The following AGBL4 variants were observed in gnomAD, a reference collection of about 807,000 sequenced individuals.
AGBL4 encodes the protein AGBL carboxypeptidase 4.
AGBL4 carries 58 observed loss-of-function variants against 66.4 expected under a neutral mutation model. The observed-to-expected ratio is 0.87, with a 90% confidence interval of 0.71 to 1.09. The LOEUF is 1.09. AGBL4 is among the 50% of genes least tolerant of loss of function. The pLI is 0.00. For missense variants in AGBL4, 579 were observed against 631.0 expected, an observed-to-expected ratio of 0.92 and a Z score of 0.88; for synonymous variants, 234 against 222.9, an observed-to-expected ratio of 1.05 and a Z score of -0.44.
At chr1:48,855,471 AC>A (rs1647126417) in intron 6 of AGBL4, among the ~76,000 whole-genome samples, 1 of 152,204 alleles carries the variant, frequency 6.6e-6, no homozygotes, top group Non-Finnish European at 1.5e-5. Flanking sequence ...TCCGAGTAAC[AC>A]CAATGTGATG....
In AGBL4 at chr1:48,905,950, A is replaced by T. The variant is rs193021425; in HGVS notation, c.595-38720T>A. Among the ~76,000 whole-genome samples the T allele has an allele frequency of 1.3e-3, 205 of 152,350 alleles. 1 individual carries two copies. The highest frequency in any genetic ancestry group is 4.6e-3 in the African/African-American group (192 of 41,576). ...GAACTAGGAATATAATGATGAATAA[A>T]AGTGACAAAAATTCCTTCCCCCCAT... On this transcript the variant is annotated intron_variant, in intron 5 of 13. Transcript: ENST00000371839.
intron 2 of AGBL4, among the ~76,000 whole-genome samples, chr1:49,795,645 G>C (rs1644711964): frequency 6.6e-6 from 1 of 151,882 alleles, no homozygotes; most frequent in African/African-American, 2.4e-5. Context: ...GTGTGTATGT[G>C]TGTGTGTGCA....
chr1:49,673,549 A>ATGT (rs1188608092), intron 3 of AGBL4, among the ~76,000 whole-genome samples: 2 of 152,228 alleles, frequency 1.3e-5, no homozygotes, highest in East Asian at 3.8e-4. Context: ...ACCTATATCA[A>ATGT]AACATCTCAT....
intron 1 of AGBL4, among the ~76,000 whole-genome samples, chr1:49,956,504 T>A (rs770384894): frequency 6.6e-6 from 1 of 151,858 alleles, no homozygotes; most frequent in Non-Finnish European, 1.5e-5. Context: ...ATCAAAAAAG[T>A]ACATTATAAT....
chr1:49,178,543 A>G (rs534704072), intron 4 of AGBL4, among the ~76,000 whole-genome samples: 1 of 152,300 alleles, frequency 6.6e-6, no homozygotes, highest in Non-Finnish European at 1.5e-5. Context: ...CTATATTCTT[A>G]GGGCTTGACA....
chr1:48,685,742 C>T (rs773324947), intron 6 of AGBL4, among the ~76,000 whole-genome samples: 1 of 152,186 alleles, frequency 6.6e-6, no homozygotes, highest in Non-Finnish European at 1.5e-5. Context: ...CTCCTTTCTT[C>T]ACCTAGGAAG....
At chr1:49,383,263 T>C (rs991445016) in intron 3 of AGBL4, among the ~76,000 whole-genome samples, 1 of 152,180 alleles carries the variant, frequency 6.6e-6, no homozygotes, top group Non-Finnish European at 1.5e-5. Flanking sequence ...GTGATCACAA[T>C]GACATTTTTC....
chr1:49,762,986 T>C (rs1395872814), intron 2 of AGBL4, among the ~76,000 whole-genome samples: 1 of 152,230 alleles, frequency 6.6e-6, no homozygotes, highest in Non-Finnish European at 1.5e-5. Context: ...TTCTCCTGTT[T>C]TCTTCTAGTA....
chr1:48,587,899 C>T (rs1007315167), intron 10 of AGBL4, among the ~76,000 whole-genome samples: 1 of 151,876 alleles, frequency 6.6e-6, no homozygotes, highest in Non-Finnish European at 1.5e-5. Flanking sequence ...GCCTCAGCCT[C>T]CCAAAGTGCT....
chr1:48,689,523 C>T (rs1646595055), intron 6 of AGBL4, among the ~76,000 whole-genome samples: 1 of 144,980 alleles, frequency 6.9e-6, no homozygotes, highest in South Asian at 2.4e-4. Flanking sequence ...TTGTTTCCTT[C>T]CTTTCTTTAT....
intron 4 of AGBL4, among the ~76,000 whole-genome samples, chr1:49,244,522 C>A (rs1651481545): frequency 6.6e-6 from 1 of 151,774 alleles, no homozygotes; most frequent in African/African-American, 2.4e-5. Flanking sequence ...CTGAGCTTCT[C>A]AGCCCAACAT....
In AGBL4 at chr1:49,364,478, GT is replaced by G. The variant is rs911037450; in HGVS notation, c.283-118615del. 4.0e-3 allele frequency among the ~76,000 whole-genome samples: 590 copies of G among 147,582 alleles called. 3 individuals carry two copies. Among genetic ancestry groups the G allele is most frequent in the African/African-American group, 0.011 (425 of 40,456 alleles). ...AATCTTCAAAACCACCATGAGAGTA[GT>G]TTTTTTTTTTCTTTTTTGAGACATT... On this transcript the variant is annotated intron_variant, in intron 3 of 13. Transcript: ENST00000371839.
intron 5 of AGBL4, among the ~76,000 whole-genome samples, chr1:48,985,267 A>G (rs551899554): frequency 2.0e-5 from 3 of 152,208 alleles, no homozygotes; most frequent in Non-Finnish European, 4.4e-5. Flanking sequence ...TCCCTGAGTT[A>G]AAGGGACCAA....
intron 1 of AGBL4, among the ~76,000 whole-genome samples, chr1:49,945,716 T>C (rs1655144629): frequency 6.6e-6 from 1 of 152,104 alleles, no homozygotes; most frequent in Non-Finnish European, 1.5e-5. Flanking sequence ...CATATCTCAA[T>C]ACTAATGTTG....
chr1:48,760,147 G>A (rs1644178463), intron 6 of AGBL4, among the ~76,000 whole-genome samples: 1 of 152,182 alleles, frequency 6.6e-6, no homozygotes, highest in Admixed American at 6.5e-5. Flanking sequence ...ATAGAGAGAA[G>A]AAAGTTCATT....
chr1:48,907,763 A>G (rs1451789961), intron 5 of AGBL4, among the ~76,000 whole-genome samples: 2 of 152,150 alleles, frequency 1.3e-5, no homozygotes, highest in East Asian at 3.9e-4. Flanking sequence ...GGCTCATGAT[A>G]TAGTTGGGGA....
intron 3 of AGBL4, among the ~76,000 whole-genome samples, chr1:49,406,840 C>G (rs553780050): frequency 6.6e-6 from 1 of 151,542 alleles, no homozygotes; most frequent in Admixed American, 6.6e-5. Flanking sequence ...CCGAGGTGGG[C>G]GGATCACGAG....
chr1:49,982,676 C>G (rs1471598915), intron 1 of AGBL4, among the ~76,000 whole-genome samples: 1 of 152,146 alleles, frequency 6.6e-6, no homozygotes, highest in African/African-American at 2.4e-5. Flanking sequence ...CTGGGGCTAC[C>G]TGGTGGCCGC....
intron 3 of AGBL4, among the ~76,000 whole-genome samples, chr1:49,280,402 A>G (rs762042126): frequency 1.3e-5 from 2 of 152,170 alleles, no homozygotes; most frequent in Non-Finnish European, 2.9e-5. Context: ...TGCAGCAAGC[A>G]AGAAGAGCCC....
Sources: gnomAD v4.1 joint callset for allele counts (sites outside exome capture counted in the v4.1 genomes callset) on GRCh38, gnomAD v4.1.1 for gene constraint, MANE v1.5 for transcripts, NCBI Gene and HGNC (gene_info 2026-07-23, HGNC 2026-07-21) for gene names.